ADAMTS17: variants seen among roughly 807,000 people sequenced by gnomAD.
ADAMTS17 encodes the protein ADAM metallopeptidase with thrombospondin type 1 motif 17.
In ADAMTS17, 113 loss-of-function variants were observed where a neutral mutation model predicts 141.5. The observed-to-expected ratio is 0.80, with a 90% CI of 0.69 to 0.93. The LOEUF (loss-of-function observed/expected upper bound fraction) is 0.93. Among genes scored for constraint, ADAMTS17 ranks in the 40% least tolerant of loss-of-function variants. The pLI is 0.00. For missense variants in ADAMTS17, 1,659 were observed against 1,517.9 expected, an observed-to-expected ratio of 1.09 and a Z score of -1.54; for synonymous variants, 768 against 630.6, an observed-to-expected ratio of 1.22 and a Z score of -3.27.
At chr15:99,983,415 AC>A (rs2060520978) in intron 20 of ADAMTS17, among the ~76,000 whole-genome samples, 1 of 151,586 alleles carries the variant, frequency 6.6e-6, no homozygotes, top group Admixed American at 6.6e-5. Flanking sequence ...TGCCCGTACC[AC>A]CCCCAACAGG....
chr15:100,328,454 G>T (rs1290375632), intron 3 of ADAMTS17, among the ~76,000 whole-genome samples: 4 of 152,180 alleles, frequency 2.6e-5, no homozygotes, highest in African/African-American at 4.8e-5. Context: ...TGCAGAGCCT[G>T]AGTCTGGCAC....
At chr15:100,318,105 T>G (rs1302196513) in intron 3 of ADAMTS17, among the ~76,000 whole-genome samples, 1 of 151,854 alleles carries the variant, frequency 6.6e-6, no homozygotes, top group African/African-American at 2.4e-5. Context: ...CGGGTCAGAG[T>G]GCATGATCTG....
intron 8 of ADAMTS17, among the ~76,000 whole-genome samples, chr15:100,185,967 G>A (rs2040701154): frequency 6.6e-6 from 1 of 152,076 alleles, no homozygotes; most frequent in African/African-American, 2.4e-5. Flanking sequence ...CACACTGGTC[G>A]TGTGAGTGCA....
chr15:100,307,331 C>T (rs116359917), intron 3 of ADAMTS17, among the ~76,000 whole-genome samples: 1,547 of 152,290 alleles, frequency 0.01, 30 homozygotes, highest in African/African-American at 0.032. Flanking sequence ...GGTTCACAGG[C>T]ACCAAGGACC....
chr15:100,144,586 C>T (rs2038811682), intron 10 of ADAMTS17, among the ~76,000 whole-genome samples: 1 of 152,008 alleles, frequency 6.6e-6, no homozygotes, highest in Non-Finnish European at 1.5e-5. Context: ...ATCACAGTGG[C>T]AGTCACGGGT....
chr15:100,262,243 G>A lies in ADAMTS17; in HGVS notation c.873+109C>T, dbSNP rs1420317056. 9 of 977,318 alleles carry A rather than the reference G, an allele frequency of 9.2e-6. No individual in the cohort carries two copies. The East Asian group carries it at 1.5e-4, about 16-fold the overall frequency. 60.5% of individuals were successfully genotyped at this position (977,318 alleles called of 1,614,324 possible). ...TCACGCTGGCAAAGCCACAGAGAGTGACGGAGACTGGCAACTCCCTGGAGC... is the reference window on the plus strand; with the variant it reads ...TCACGCTGGCAAAGCCACAGAGAGTAACGGAGACTGGCAACTCCCTGGAGC... On this transcript the variant is annotated intron_variant, in intron 5 of 21. Transcript: ENST00000268070.
At chr15:100,170,410 G>T (rs1322380320) in intron 8 of ADAMTS17, among the ~76,000 whole-genome samples, 3 of 152,062 alleles carry the variant, frequency 2.0e-5, no homozygotes, top group Admixed American at 6.5e-5. Flanking sequence ...GCCAGCCGCG[G>T]AAAGTCCCTC....
At chr15:100,209,119 A>AAAAG (rs2041697430) in intron 7 of ADAMTS17, among the ~76,000 whole-genome samples, 1 of 125,968 alleles carries the variant, frequency 7.9e-6, no homozygotes, top group Non-Finnish European at 1.6e-5. Flanking sequence ...TTAGCAAAAA[A>AAAAG]AAAAAAAAAA....
chr15:100,207,486 G>A lies in ADAMTS17; in HGVS notation c.1076-8063C>T, dbSNP rs544744837. On this transcript the variant is annotated intron_variant, in intron 7 of 21. Transcript: ENST00000268070. ...CTAACCCACGAGCATGGCGGCCACC[G>A]GAACTCACCATGCTCATTTGCCACA... Among the ~76,000 whole-genome samples the A allele has an allele frequency of 1.1e-4, 17 of 152,268 alleles. No individual in the cohort carries two copies. In the East Asian group the frequency reaches 1.5e-3, roughly 14 times the overall value.
At chr15:100,079,642 C>T (rs187783358) in intron 15 of ADAMTS17, among the ~76,000 whole-genome samples, 257 of 152,274 alleles carry the variant, frequency 1.7e-3, no homozygotes, top group Non-Finnish European at 2.5e-3. Context: ...AACCTGGTGG[C>T]AAGTTGATTA....
chr15:100,191,545 T>C (rs1177073446), intron 8 of ADAMTS17, among the ~76,000 whole-genome samples: 1 of 152,208 alleles, frequency 6.6e-6, no homozygotes, highest in Non-Finnish European at 1.5e-5. Context: ...GGAAGAAATG[T>C]CGTCGCCTCG....
chr15:100,032,734 A>G (rs559734554), intron 18 of ADAMTS17, among the ~76,000 whole-genome samples: 8 of 152,344 alleles, frequency 5.3e-5, no homozygotes, highest in Middle Eastern at 3.4e-3. Context: ...TTAAAGGAGG[A>G]AAACATTGTT....
intron 2 of ADAMTS17, chr15:100,339,142 T>G: frequency 1.0e-6 from 1 of 985,522 alleles, no homozygotes. Context: ...ACTCAGCCTG[T>G]TGGCCAGGTT....
At chr15:100,203,005 CAT>C (rs1383165673) in intron 7 of ADAMTS17, among the ~76,000 whole-genome samples, 3 of 152,198 alleles carry the variant, frequency 2.0e-5, no homozygotes, top group Admixed American at 1.3e-4. Flanking sequence ...ATCAATTCCA[CAT>C]GTTTGCATAG....
intron 10 of ADAMTS17, among the ~76,000 whole-genome samples, chr15:100,146,773 T>A (rs1445539697): frequency 6.6e-6 from 1 of 152,234 alleles, no homozygotes; most frequent in Non-Finnish European, 1.5e-5. Flanking sequence ...TGCCTGGGGG[T>A]ATAGGTCTAT....
At chr15:100,113,376 A>C (rs34915352) in intron 13 of ADAMTS17, among the ~76,000 whole-genome samples, 42,214 of 152,088 alleles carry the variant, frequency 0.28, 6,042 homozygotes, top group East Asian at 0.39. Flanking sequence ...TGTGAGCTCT[A>C]GGTAGTGTCA....
chr15:100,096,428 A>T lies in ADAMTS17; in HGVS notation c.2065T>A (p.Cys689Ser). ...IIGSAAKEDR[C>S]GVCSGDGKTC... ...TTGCCGTCCCCGCTGCAGACCCCGC[A>T]TCTGTCCTCTTTGGCTGCAGACCCG... The change falls in exon 15 of 22, where the codon TGC (cysteine) becomes AGC (serine). Residue 689 changes from cysteine to serine, a missense_variant. By Grantham distance (112) the Cys-to-Ser change is moderately radical. Transcript: ENST00000268070. 6.2e-7 allele frequency: 1 copy of T among 1,614,132 alleles called. No individual in the cohort carries two copies. The highest frequency in any genetic ancestry group is 8.5e-7 in the Non-Finnish European group (1 of 1,180,032).
chr15:99,984,966 CA>C (rs2060555597), intron 20 of ADAMTS17, among the ~76,000 whole-genome samples: 1 of 152,242 alleles, frequency 6.6e-6, no homozygotes, highest in South Asian at 2.1e-4. Flanking sequence ...GAGATGGAGG[CA>C]CTGGCCTTTG....
In ADAMTS17 at chr15:100,079,148, G is replaced by T. The variant is rs559610770; in HGVS notation, c.2137+17208C>A. Among the ~76,000 whole-genome samples, 78 of 152,258 alleles carry T rather than the reference G, an allele frequency of 5.1e-4. 1 individual carries two copies. The highest frequency in any genetic ancestry group is 1.8e-3 in the African/African-American group (73 of 41,546). ...CGCCACTTTGGAAAAGAGTTTGGCA[G>T]CTACTCCAAAAGTTAAACACAGAAT... is the stretch of plus-strand genomic sequence containing the variant. On this transcript the variant is annotated intron_variant, in intron 15 of 21. Transcript: ENST00000268070.
Sources: allele counts gnomAD v4.1 joint callset (sites outside exome capture counted in the v4.1 genomes callset), GRCh38; gene constraint gnomAD v4.1.1; transcripts MANE v1.5; gene names NCBI Gene and HGNC (gene_info 2026-07-23, HGNC 2026-07-21).